The following RPTOR variants were observed in gnomAD, a reference collection of about 807,000 sequenced individuals.
RPTOR encodes the protein regulatory-associated protein of mTOR.
A neutral mutation model predicts 169.9 loss-of-function variants in RPTOR; 21 were observed. The ratio of observed to expected loss-of-function variants is 0.12; its 90% CI spans 0.09 to 0.18. RPTOR has a LOEUF of 0.18. Among genes scored for constraint, RPTOR ranks in the 10% least tolerant of loss-of-function variants. The probability of loss-of-function intolerance (pLI) is 1.00; values close to 1 mark genes in which losing one functional copy is unlikely to be tolerated. For synonymous variants in RPTOR, 732 were observed against 753.2 expected (o/e 0.97, Z 0.46); for missense variants, 1,133 against 1,855.9 (o/e 0.61, Z 7.16).
chr17:80,767,638 A>G (rs554901567), intron 6 of RPTOR, among the ~76,000 whole-genome samples: 1 of 152,358 alleles, frequency 6.6e-6, no homozygotes, highest in Non-Finnish European at 1.5e-5. Flanking sequence ...TAAGATGAAC[A>G]GAATAGACAG....
chr17:80,659,570 G>A lies in RPTOR; in HGVS notation c.348+15760G>A, dbSNP rs1051277403. Among the ~76,000 whole-genome samples, 2 of 152,032 alleles carry A rather than the reference G, an allele frequency of 1.3e-5. No homozygotes were observed. Among genetic ancestry groups the A allele is most frequent in the South Asian group, 2.1e-4 (1 of 4,804 alleles). On this transcript the variant is annotated intron_variant, in intron 3 of 33. Coordinates refer to ENST00000306801, the MANE Select transcript of RPTOR (RefSeq NM_020761.3). This position sits in a 1 kb window ranked among gnomAD's most constrained non-coding sequence, Gnocchi z 4.3. Reference sequence around the variant, plus strand: ...GTCGCCAGGCTGGATACAGTGGCACGATCTTGGCTCACTGCAACCTCTGCC... The same window carrying A: ...GTCGCCAGGCTGGATACAGTGGCACAATCTTGGCTCACTGCAACCTCTGCC...
chr17:80,590,964 A>C (rs2065100448), intron 1 of RPTOR, among the ~76,000 whole-genome samples: 1 of 151,826 alleles, frequency 6.6e-6, no homozygotes, highest in Admixed American at 6.6e-5. Context: ...TTCTAAAATG[A>C]TTATCATGTC....
rs2067902783 is a variant in RPTOR, at chr17:80,860,237, C to T, written c.1509+2337C>T. On this transcript the variant is annotated intron_variant, in intron 13 of 33. Transcript: ENST00000306801. This position sits in a 1 kb window ranked among gnomAD's most constrained non-coding sequence, Gnocchi z 5.8. ...AGCCATGTCGCACTGGCCACCAGGA[C>T]CTGCTGTGCTCGCTGAAGCTGCCCT... Among the ~76,000 whole-genome samples the T allele has an allele frequency of 6.6e-6, 1 of 152,246 alleles. No individual in the cohort carries two copies. Among genetic ancestry groups the T allele is most frequent in the Non-Finnish European group, 1.5e-5 (1 of 68,038 alleles).
intron 25 of RPTOR, among the ~76,000 whole-genome samples, chr17:80,944,331 A>G (rs778929739): frequency 5.3e-5 from 8 of 152,252 alleles, no homozygotes; most frequent in Non-Finnish European, 1.0e-4. Flanking sequence ...GTTACGAATC[A>G]GAGCCCTACC....
At chr17:80,809,458 C>T (rs1407506771) in intron 7 of RPTOR, among the ~76,000 whole-genome samples, 1 of 152,170 alleles carries the variant, frequency 6.6e-6, no homozygotes, top group African/African-American at 2.4e-5. Flanking sequence ...ACCCAAGTGC[C>T]GGGATTACAG....
chr17:80,832,446 G>T (rs1176032840), intron 9 of RPTOR, among the ~76,000 whole-genome samples: 1 of 152,196 alleles, frequency 6.6e-6, no homozygotes, highest in Non-Finnish European at 1.5e-5. Flanking sequence ...GGCAGTGTCT[G>T]GTCCAGCCTC....
chr17:80,671,142 C>T (rs962943128), intron 3 of RPTOR, among the ~76,000 whole-genome samples: 2 of 152,216 alleles, frequency 1.3e-5, no homozygotes, highest in Non-Finnish European at 2.9e-5. Flanking sequence ...CATCCTGCTT[C>T]CTCTGGGCTC....
At chr17:80,725,003 T>C (rs2066319416) in intron 4 of RPTOR, among the ~76,000 whole-genome samples, 1 of 152,208 alleles carries the variant, frequency 6.6e-6, no homozygotes, top group African/African-American at 2.4e-5. Context: ...CTCATCTGTT[T>C]GGTATGTGAG....
intron 2 of RPTOR, 36 bp downstream of exon 2, chr17:80,625,829 C>T (rs765618606): frequency 2.2e-5 from 32 of 1,478,220 alleles, no homozygotes; most frequent in Middle Eastern, 2.3e-4. Context: ...CCACAAAGGC[C>T]GTCTGGCCGG....
At chr17:80,916,144 T>C (rs2068670850) in intron 21 of RPTOR, among the ~76,000 whole-genome samples, 1 of 152,120 alleles carries the variant, frequency 6.6e-6, no homozygotes, top group South Asian at 2.1e-4. Context: ...GGCTGAAACA[T>C]GCCCCTTGCT....
rs2066380909 is a variant in RPTOR at position 80,730,462 on chromosome 17, A to T, written c.508-98A>T. The T allele has an allele frequency of 8.0e-6, 11 of 1,377,140 alleles. No homozygotes were observed. In the South Asian group the frequency reaches 1.0e-4, roughly 13 times the overall value. The allele number at this position is 1,377,140 out of a possible 1,614,324, so 85.3% of individuals were successfully genotyped here. A position where few individuals can be genotyped will look rare whatever the true frequency, so the allele number is the denominator to read the frequency against. On this transcript the variant is annotated intron_variant, in intron 4 of 33. Transcript: ENST00000306801. The surrounding 1 kb of genome is among the most constrained non-coding windows in gnomAD (Gnocchi z 4.2). Reference sequence around the variant, plus strand: ...CTAACTCAGCGTCTCTCCAGCCACCAGGCTCAATGTGTGTGCCTTTTGTAA... The same window carrying T: ...CTAACTCAGCGTCTCTCCAGCCACCTGGCTCAATGTGTGTGCCTTTTGTAA...
chr17:80,771,665 GAC>G (rs1476009047), intron 6 of RPTOR, among the ~76,000 whole-genome samples: 1 of 140,502 alleles, frequency 7.1e-6, no homozygotes, highest in African/African-American at 2.6e-5. Context: ...CCTTAGGAAT[GAC>G]ACAGGAAACC....
chr17:80,810,048 A>AAAT (rs370281100), intron 7 of RPTOR, among the ~76,000 whole-genome samples: 7 of 144,046 alleles, frequency 4.9e-5, no homozygotes, highest in Admixed American at 1.4e-4. Context: ...ACTCCATCTC[A>AAAT]AAATAAATAA....
intron 1 of RPTOR, among the ~76,000 whole-genome samples, chr17:80,577,383 G>A (rs2064973663): frequency 1.3e-5 from 2 of 152,064 alleles, no homozygotes; most frequent in Admixed American, 1.3e-4. Flanking sequence ...CTAGAGTGAT[G>A]TTTTCTTTTA....
chr17:80,787,254 T>C (rs1316792284), intron 6 of RPTOR, among the ~76,000 whole-genome samples: 2 of 152,252 alleles, frequency 1.3e-5, no homozygotes, highest in Non-Finnish European at 2.9e-5. Flanking sequence ...ATACTTTTGG[T>C]TGGAATGTGG....
chr17:80,689,180 A>G (rs527600254), intron 3 of RPTOR, among the ~76,000 whole-genome samples: 4 of 152,346 alleles, frequency 2.6e-5, no homozygotes, highest in African/African-American at 4.8e-5. Flanking sequence ...AAGTCAGTAA[A>G]TCCTTTCATC....
At position 80,949,453 on chromosome 17, in the gene RPTOR, C is replaced by T. The variant is rs1404263998; in HGVS notation, c.3276C>T (p.Ala1092=). ...TCTCTCCCTCCCCAGACGATGGTGC[C>T]ATCAGGGTCTGGAAGAATTTTGCTG... is the stretch of plus-strand genomic sequence containing the variant. ...SLLLTATDDG[A]IRVWKNFADL... Residue 1092 remains alanine, a synonymous_variant, in exon 28 of 34, where the codon GCC becomes GCT. Coordinates refer to ENST00000306801, the MANE Select transcript of RPTOR (RefSeq NM_020761.3). 7 of 1,613,842 alleles carry T rather than the reference C, an allele frequency of 4.3e-6. No individual in the cohort carries two copies. The highest frequency in any genetic ancestry group is 5.9e-6 in the Non-Finnish European group (7 of 1,179,878).
rs192961174 is a variant in RPTOR at position 80,684,852 on chromosome 17, T to C, written c.349-22989T>C. 2.6e-5 allele frequency among the ~76,000 whole-genome samples: 4 copies of C among 152,334 alleles called. No homozygotes were observed. The East Asian group carries it at 7.7e-4, about 29-fold the overall frequency. ...ACAGCGTGTCCTGGAAATCACTCCATGTCAGTTTCTAGGGACTTTCTCTTC... is the reference window on the plus strand; with the variant it reads ...ACAGCGTGTCCTGGAAATCACTCCACGTCAGTTTCTAGGGACTTTCTCTTC... On this transcript the variant is annotated intron_variant, in intron 3 of 33. Transcript: ENST00000306801.
At chr17:80,732,319 C>T (rs952408419) in intron 5 of RPTOR, among the ~76,000 whole-genome samples, 1 of 152,148 alleles carries the variant, frequency 6.6e-6, no homozygotes, top group African/African-American at 2.4e-5. Context: ...TAGAGACCCG[C>T]TCCCCTTTCA....
Sources: allele counts gnomAD v4.1 joint callset (sites outside exome capture counted in the v4.1 genomes callset), GRCh38; gene constraint gnomAD v4.1.1; non-coding constraint Gnocchi (gnomAD v3.1); transcripts MANE v1.5; gene names NCBI Gene and HGNC (gene_info 2026-07-23, HGNC 2026-07-21).